Variants in TIAM1 observed in about 807,000 individuals in gnomAD.
TIAM1 encodes the protein TIAM Rac1 associated GEF 1.
In TIAM1, 65 loss-of-function variants were observed where a neutral mutation model predicts 163.5. That is an observed-to-expected ratio of 0.40 (90% CI 0.33 to 0.49). TIAM1 has a LOEUF of 0.49. TIAM1 is among the 20% of genes least tolerant of loss of function. TIAM1 has a pLI of 0.77. For missense variants in TIAM1, 1,789 were observed against 2,044.7 expected (o/e 0.87, Z 2.41); for synonymous variants, 833 against 810.1 (o/e 1.03, Z -0.48).
chr21:31,178,384 G>A (rs896804488), intron 15 of TIAM1, among the ~76,000 whole-genome samples: 3 of 132,798 alleles, frequency 2.3e-5, no homozygotes, highest in African/African-American at 8.4e-5. Context: ...TCGGCTCACT[G>A]CAGGCTCTGC....
intron 3 of TIAM1, among the ~76,000 whole-genome samples, chr21:31,270,732 T>C (rs2073019316): frequency 6.6e-6 from 1 of 152,252 alleles, no homozygotes; most frequent in African/African-American, 2.4e-5. Flanking sequence ...ATTTTGGTTT[T>C]TTTGGCTCAT....
intron 2 of TIAM1, among the ~76,000 whole-genome samples, chr21:31,388,058 T>C (rs526384): frequency 0.71 from 107,176 of 151,940 alleles, 38,971 homozygotes; most frequent in African/African-American, 0.9. Context: ...TCACTCTCCG[T>C]CACAATTATA....
chr21:31,465,374 T>C (rs931854000), intron 1 of TIAM1, among the ~76,000 whole-genome samples: 19 of 151,638 alleles, frequency 1.3e-4, no homozygotes, highest in African/African-American at 4.6e-4. Context: ...ACTACAGGCA[T>C]GTGCCACTAT....
At chr21:31,367,276 G>C (rs1020023438) in intron 2 of TIAM1, among the ~76,000 whole-genome samples, 3 of 152,058 alleles carry the variant, frequency 2.0e-5, no homozygotes, top group African/African-American at 4.8e-5. Flanking sequence ...AACAGCAAAG[G>C]GGACACAGAG....
intron 22 of TIAM1, among the ~76,000 whole-genome samples, chr21:31,140,153 C>CA (rs565996057): frequency 5.9e-5 from 9 of 152,114 alleles, no homozygotes; most frequent in African/African-American, 1.2e-4. Context: ...TCATTAAGGA[C>CA]AAAAAAATGA....
In TIAM1 at chr21:31,266,583, C is replaced by T. The variant is rs1469899308; in HGVS notation, c.390G>A (p.Glu130=). 1 of 1,614,250 alleles carries T rather than the reference C, an allele frequency of 6.2e-7. No homozygotes were observed. The highest frequency in any genetic ancestry group is 8.5e-7 in the Non-Finnish European group (1 of 1,180,052). ...AASVQSMPDT[E]ESRLYGDDAT... ...CGTCATCCCCGTAAAGCCTGCTCTCCTCAGTGTCTGGCATGCTCTGCACAG... is the reference window on the plus strand; with the variant it reads ...CGTCATCCCCGTAAAGCCTGCTCTCTTCAGTGTCTGGCATGCTCTGCACAG... The change falls in exon 4 of 28, where the codon GAG becomes GAA. Residue 130 remains glutamate (E), a synonymous_variant. Coordinates refer to ENST00000541036, the MANE Select transcript of TIAM1 (RefSeq NM_001353694.2).
chr21:31,150,961 G>A (rs9636598), intron 19 of TIAM1, among the ~76,000 whole-genome samples: 92,482 of 152,056 alleles, frequency 0.61, 28,229 homozygotes, highest in Admixed American at 0.68. Context: ...ATATACTGAG[G>A]GCAAAAAACA....
rs958610764 is a variant in TIAM1, at chr21:31,182,442, C to T, written c.2866G>A (p.Ala956Thr). ...ATACCTGGGTTGCTGGTGAGAAAGG[C>T]GAGGGGGCTCTCGCCAAGGTCGGCA... ...GPADLGESPLAFLTSNPGHSL... is the reference protein window; with the variant it reads ...GPADLGESPLTFLTSNPGHSL... Residue 956 changes from alanine to threonine, a missense_variant, in exon 15 of 28, where the codon GCC becomes ACC. Ala to Thr is a moderately conservative substitution (Grantham distance 58). Transcript: ENST00000541036. The T allele has an allele frequency of 3.8e-6, 6 of 1,587,596 alleles. No individual in the cohort carries two copies. Among genetic ancestry groups the T allele is most frequent in the African/African-American group, 1.3e-5 (1 of 74,308 alleles).
At chr21:31,339,744 A>T (rs1480758896) in intron 1 of TIAM1, among the ~76,000 whole-genome samples, 1 of 152,210 alleles carries the variant, frequency 6.6e-6, no homozygotes, top group Non-Finnish European at 1.5e-5. Flanking sequence ...ACGATTCAGT[A>T]CAAGAGCTCA....
chr21:31,130,505 G>A (rs2146233093), intron 24 of TIAM1, among the ~76,000 whole-genome samples, 190 bp from the exon 25 acceptor site: 1 of 152,226 alleles, frequency 6.6e-6, no homozygotes, highest in Non-Finnish European at 1.5e-5. Flanking sequence ...TTGAGGGGAG[G>A]GTGTGCAAAG....
chr21:31,176,442 GA>G (rs566728060), intron 15 of TIAM1, among the ~76,000 whole-genome samples: 4 of 151,714 alleles, frequency 2.6e-5, no homozygotes, highest in Admixed American at 6.6e-5. Context: ...CAAAACAGAT[GA>G]AAGTAGCTCC....
At chr21:31,487,495 C>G (rs1452905738) in intron 1 of TIAM1, among the ~76,000 whole-genome samples, 3 of 152,156 alleles carry the variant, frequency 2.0e-5, no homozygotes, top group Non-Finnish European at 4.4e-5. Flanking sequence ...CTCAGCCTCC[C>G]AAGTAGCTGG....
chr21:31,384,850 A>G (rs961695192), intron 2 of TIAM1, among the ~76,000 whole-genome samples: 6 of 152,136 alleles, frequency 3.9e-5, no homozygotes, highest in African/African-American at 1.4e-4. Flanking sequence ...CTATTTTTCA[A>G]TGTGTATTAA....
At chr21:31,464,995 G>A (rs2045472187) in intron 1 of TIAM1, among the ~76,000 whole-genome samples, 1 of 152,034 alleles carries the variant, frequency 6.6e-6, no homozygotes, top group Admixed American at 6.6e-5. Flanking sequence ...GGGGGACAGA[G>A]TGAGACTCTG....
At chr21:31,143,088 A>G (rs1398522742) in intron 20 of TIAM1, among the ~76,000 whole-genome samples, 1 of 152,134 alleles carries the variant, frequency 6.6e-6, no homozygotes, top group African/African-American at 2.4e-5. Context: ...TGGCACGTCC[A>G]GCGTGGGCAC....
intron 2 of TIAM1, among the ~76,000 whole-genome samples, chr21:31,327,687 AG>A (rs200500114): frequency 6.6e-6 from 1 of 151,652 alleles, no homozygotes; most frequent in African/African-American, 2.4e-5. Context: ...ACAGAAAAGA[AG>A]AAAAAAGATT....
At chr21:31,199,474 C>G (rs1482442873) in intron 12 of TIAM1, among the ~76,000 whole-genome samples, 1 of 152,060 alleles carries the variant, frequency 6.6e-6, no homozygotes, top group Non-Finnish European at 1.5e-5. Flanking sequence ...GCCACCTCCA[C>G]CATGGCCACC....
intron 2 of TIAM1, among the ~76,000 whole-genome samples, chr21:31,409,189 C>T (rs966953886): frequency 6.6e-6 from 1 of 151,850 alleles, no homozygotes; most frequent in Non-Finnish European, 1.5e-5. Context: ...CAGCTCACTG[C>T]AACCACCACC....
chr21:31,532,385 C>T (rs12483593), intron 1 of TIAM1, among the ~76,000 whole-genome samples: 9,034 of 152,206 alleles, frequency 0.059, 493 homozygotes, highest in Admixed American at 0.15. Flanking sequence ...CCTCCCCCTC[C>T]GATGCTATGC....
Sources: gnomAD v4.1 joint callset for allele counts (sites outside exome capture counted in the v4.1 genomes callset) on GRCh38, gnomAD v4.1.1 for gene constraint, MANE v1.5 for transcripts, NCBI Gene and HGNC (gene_info 2026-07-23, HGNC 2026-07-21) for gene names.